Variants in NALF1 observed in about 807,000 individuals in gnomAD.
The protein encoded by NALF1 is NALCN channel auxiliary factor 1.
In NALF1, 3 loss-of-function variants were observed where a neutral mutation model predicts 48.4. The observed-to-expected ratio is 0.06, with a 90% confidence interval of 0.03 to 0.16. The LOEUF (loss-of-function observed/expected upper bound fraction) is 0.16. Among genes scored for constraint, NALF1 ranks in the 10% least tolerant of loss-of-function variants. NALF1 has a pLI of 1.00. For missense variants in NALF1, 526 were observed against 571.5 expected, an observed-to-expected ratio of 0.92 and a Z score of 0.81; for synonymous variants, 262 against 245.7, an observed-to-expected ratio of 1.07 and a Z score of -0.62.
At chr13:107,334,191 T>C (rs1356403463) in intron 1 of NALF1, among the ~76,000 whole-genome samples, 2 of 152,186 alleles carry the variant, frequency 1.3e-5, no homozygotes, top group Non-Finnish European at 2.9e-5. Flanking sequence ...TTAAGTATGG[T>C]AGTAATAGTC....
chr13:107,795,633 T>C (rs576609835), intron 1 of NALF1, among the ~76,000 whole-genome samples: 11 of 152,184 alleles, frequency 7.2e-5, no homozygotes, highest in Non-Finnish European at 1.6e-4. Flanking sequence ...CCATTTATCT[T>C]AGCACAATGC....
At chr13:107,298,375 A>AAAAAAAAC (rs1881767144) in intron 1 of NALF1, among the ~76,000 whole-genome samples, 1 of 149,642 alleles carries the variant, frequency 6.7e-6, no homozygotes. Flanking sequence ...AAAAAAAAAA[A>AAAAAAAAC]AAAAAGACAA....
At chr13:107,608,507 A>G (rs1443243305) in intron 1 of NALF1, among the ~76,000 whole-genome samples, 1 of 152,198 alleles carries the variant, frequency 6.6e-6, no homozygotes, top group Non-Finnish European at 1.5e-5. Context: ...GCAATATATT[A>G]CCAGCACAGA....
chr13:107,255,830 C>T (rs952311598), intron 1 of NALF1, among the ~76,000 whole-genome samples: 6 of 152,096 alleles, frequency 3.9e-5, no homozygotes, highest in Non-Finnish European at 7.4e-5. Context: ...GTTCTGAAGC[C>T]AACCCTTTAA....
chr13:107,437,365 T>A (rs185606895), intron 1 of NALF1, among the ~76,000 whole-genome samples: 51 of 152,048 alleles, frequency 3.4e-4, no homozygotes, highest in Non-Finnish European at 5.7e-4. Flanking sequence ...TCATGTCCTT[T>A]GACTCAGTTT....
chr13:107,759,294 TGC>T (rs1566471256), intron 1 of NALF1, among the ~76,000 whole-genome samples: 3 of 152,132 alleles, frequency 2.0e-5, no homozygotes. Flanking sequence ...CTGGATCCTC[TGC>T]CTCCCGGGTT....
intron 1 of NALF1, among the ~76,000 whole-genome samples, chr13:107,739,223 C>T (rs929651077): frequency 6.6e-6 from 1 of 151,838 alleles, no homozygotes; most frequent in East Asian, 1.9e-4. Flanking sequence ...GGGCTTAAAA[C>T]CTAGATGATG....
intron 1 of NALF1, among the ~76,000 whole-genome samples, chr13:107,257,576 T>C (rs1393736541): frequency 2.6e-5 from 4 of 151,830 alleles, no homozygotes; most frequent in Non-Finnish European, 2.9e-5. Flanking sequence ...CAGAGAATCA[T>C]TGAAATGGGT....
Position 107,280,012 on chromosome 13 carries a change from G to C in NALF1, c.916-69257C>G, listed in dbSNP as rs1038333019. On this transcript the variant is annotated intron_variant, in intron 1 of 2. Transcript: ENST00000375915. The stretch of plus-strand genomic sequence containing the variant: ...TTGCTATGTTGCCCAGGCTGGTCTT[G>C]AACTCGTGAGCTCAACCGATCCTCC... Among the ~76,000 whole-genome samples, 5 of 151,824 alleles carry C rather than the reference G, an allele frequency of 3.3e-5. No individual in the cohort carries two copies. In the East Asian group the frequency reaches 7.8e-4, roughly 24 times the overall value.
chr13:107,479,382 G>A lies in NALF1; in HGVS notation c.916-268627C>T, dbSNP rs74985153. 5.8e-3 allele frequency among the ~76,000 whole-genome samples: 889 copies of A among 152,126 alleles called. 29 individuals are homozygous for A. The East Asian group carries it at 0.1, about 17-fold the overall frequency. On this transcript the variant is annotated intron_variant, in intron 1 of 2. Transcript: ENST00000375915. ...TTACTTTTACAATGATGTTAAAAAT[G>A]CCAATCTTATATTCATCTCCTATAT...
intron 2 of NALF1, among the ~76,000 whole-genome samples, chr13:107,199,798 C>T (rs531049432): frequency 6.6e-6 from 1 of 152,248 alleles, no homozygotes; most frequent in East Asian, 1.9e-4. Flanking sequence ...CTTTCTGACT[C>T]CCAATGGAGG....
chr13:107,349,607 G>A (rs1882834519), intron 1 of NALF1, among the ~76,000 whole-genome samples: 1 of 151,944 alleles, frequency 6.6e-6, no homozygotes. Flanking sequence ...CAGGCATGGT[G>A]GTGTATGCCT....
intron 1 of NALF1, among the ~76,000 whole-genome samples, chr13:107,312,142 A>C (rs1423680910): frequency 1.3e-5 from 2 of 152,330 alleles, no homozygotes; most frequent in East Asian, 1.9e-4. Flanking sequence ...TTGCGGCACT[A>C]TTCACAATAG....
At chr13:107,844,984 T>C (rs566273452) in intron 1 of NALF1, among the ~76,000 whole-genome samples, 29 of 152,288 alleles carry the variant, frequency 1.9e-4, no homozygotes, top group African/African-American at 7.0e-4. Context: ...GTATCAGATA[T>C]AATGCAAGAA....
At chr13:107,572,286 T>C (rs147763107) in intron 1 of NALF1, among the ~76,000 whole-genome samples, 1 of 152,220 alleles carries the variant, frequency 6.6e-6, no homozygotes, top group East Asian at 1.9e-4. Flanking sequence ...CTTCTGGTAA[T>C]GAACGACCCT....
At chr13:107,449,885 G>T (rs1267209140) in intron 1 of NALF1, among the ~76,000 whole-genome samples, 1 of 152,132 alleles carries the variant, frequency 6.6e-6, no homozygotes, top group African/African-American at 2.4e-5. Flanking sequence ...TGGATGCCAT[G>T]CCTAGAATTC....
intron 1 of NALF1, among the ~76,000 whole-genome samples, chr13:107,212,102 C>G (rs568570395): frequency 6.6e-6 from 1 of 152,314 alleles, no homozygotes; most frequent in Middle Eastern, 3.4e-3. Flanking sequence ...AACCTAAAAT[C>G]AGCATGGCCT....
intron 1 of NALF1, among the ~76,000 whole-genome samples, chr13:107,644,595 C>T (rs1880253638): frequency 7.3e-6 from 1 of 136,986 alleles, no homozygotes; most frequent in Non-Finnish European, 1.6e-5. Flanking sequence ...AAAAAAATAC[C>T]TTTAAAAAAG....
At chr13:107,702,889 T>C (rs1302850858) in intron 1 of NALF1, among the ~76,000 whole-genome samples, 1 of 152,228 alleles carries the variant, frequency 6.6e-6, no homozygotes, top group Non-Finnish European at 1.5e-5. Context: ...TTCCTTTTTA[T>C]GGCTGTATAG....
Sources: allele counts gnomAD v4.1 joint callset (sites outside exome capture counted in the v4.1 genomes callset), GRCh38; gene constraint gnomAD v4.1.1; transcripts MANE v1.5; gene names NCBI Gene and HGNC (gene_info 2026-07-23, HGNC 2026-07-21).